Variants in ATG7 observed in about 807,000 individuals in gnomAD.
ATG7 encodes the protein autophagy related 7, also known as ubiquitin-like modifier-activating enzyme ATG7.
In ATG7, 70 loss-of-function variants were observed where a neutral mutation model predicts 82.4. The ratio of observed to expected loss-of-function variants is 0.85; its 90% confidence interval spans 0.70 to 1.04. The LOEUF (loss-of-function observed/expected upper bound fraction) is 1.04. Ranked by LOEUF, ATG7 falls within the 50% of genes least tolerant of loss-of-function variation. The pLI, the probability that ATG7 is intolerant of heterozygous loss-of-function variation, is 0.00. For missense variants in ATG7, 792 were observed against 864.3 expected, an observed-to-expected ratio of 0.92 and a Z score of 1.05; for synonymous variants, 287 against 313.0, an observed-to-expected ratio of 0.92 and a Z score of 0.88.
At chr3:11,518,057 T>G (rs1385835802) in intron 20 of ATG7, among the ~76,000 whole-genome samples, 1 of 152,066 alleles carries the variant, frequency 6.6e-6, no homozygotes, top group Non-Finnish European at 1.5e-5. Flanking sequence ...CTCTGGTGAT[T>G]GGTTGGATGG....
At chr3:11,469,270 A>G (rs536241244) in intron 20 of ATG7, among the ~76,000 whole-genome samples, 93 of 152,118 alleles carry the variant, frequency 6.1e-4, no homozygotes, top group African/African-American at 2.2e-3. Flanking sequence ...ACCAACATGG[A>G]GAAACCCCAT....
chr3:11,492,244 CCT>C (rs1447485422), intron 20 of ATG7, among the ~76,000 whole-genome samples: 2 of 152,190 alleles, frequency 1.3e-5, no homozygotes, highest in Admixed American at 1.3e-4. Flanking sequence ...GTCTGTCACC[CCT>C]TTCTTTGACT....
intron 20 of ATG7, among the ~76,000 whole-genome samples, chr3:11,456,341 A>G (rs968724386): frequency 2.6e-5 from 4 of 152,214 alleles, no homozygotes; most frequent in African/African-American, 9.7e-5. Flanking sequence ...GCCAAGTCAT[A>G]TTCCATTGTA....
intron 18 of ATG7, among the ~76,000 whole-genome samples, chr3:11,375,741 C>T (rs2077370315): frequency 6.6e-6 from 1 of 152,070 alleles, no homozygotes. Context: ...TATATTTTTA[C>T]TAGAGATGGG....
At chr3:11,478,989 A>AACACACACACACAC (rs71628717) in intron 20 of ATG7, among the ~76,000 whole-genome samples, 20 of 73,110 alleles carry the variant, frequency 2.7e-4, no homozygotes, top group Admixed American at 9.9e-4. Context: ...GTATATTTAC[A>AACACACACACACAC]ACACACACAC....
intron 20 of ATG7, among the ~76,000 whole-genome samples, chr3:11,544,221 C>T (rs922971457): frequency 1.2e-4 from 18 of 152,172 alleles, no homozygotes; most frequent in Admixed American, 7.2e-4. Flanking sequence ...GATGGGGCTC[C>T]GGGCAGGAAT....
the ATG7 span, among the ~76,000 whole-genome samples, chr3:11,570,436 C>T: frequency 6.6e-6 from 1 of 152,226 alleles, no homozygotes; most frequent in African/African-American, 2.4e-5. Flanking sequence ...GCTTCTGAAG[C>T]ACAGCTCCCA....
chr3:11,399,777 T>G (rs1325054426), intron 19 of ATG7, among the ~76,000 whole-genome samples: 1 of 152,200 alleles, frequency 6.6e-6, no homozygotes, highest in Non-Finnish European at 1.5e-5. Flanking sequence ...CTTCACCATG[T>G]TGGTCAGGCT....
chr3:11,520,231 T>G (rs1422784469), intron 20 of ATG7, among the ~76,000 whole-genome samples: 1 of 152,108 alleles, frequency 6.6e-6, no homozygotes, highest in African/African-American at 2.4e-5. Flanking sequence ...AGACCCCAGC[T>G]CATGCTCCAC....
At chr3:11,360,924 G>A (rs1051500202) in intron 16 of ATG7, 140 bp downstream of exon 16, 2 of 969,750 alleles carry the variant, frequency 2.1e-6, no homozygotes, top group Non-Finnish European at 3.0e-6. Context: ...TGGGGAGGAT[G>A]GCATTATCTC....
chr3:11,420,793 T>G (rs1047864513), intron 19 of ATG7, among the ~76,000 whole-genome samples: 1 of 150,748 alleles, frequency 6.6e-6, no homozygotes, highest in Non-Finnish European at 1.5e-5. Flanking sequence ...GTCTCACTTG[T>G]TGCCCAGGCT....
In ATG7 at chr3:11,315,577, C is replaced by G. The variant is rs562739440; in HGVS notation, c.678+84C>G. On this transcript the variant is annotated intron_variant, in intron 9 of 20. Coordinates refer to ENST00000693202, the MANE Select transcript of ATG7 (RefSeq NM_001349232.2). ...TGTTACAAGAGACCACTGCAAAATT[C>G]AAACTTGTTTAGATTTCCTTAGCCT... 9.6e-5 allele frequency: 119 copies of G among 1,238,330 alleles called. No individual in the cohort carries two copies. In the African/African-American group the frequency reaches 1.6e-3, roughly 16 times the overall value. 76.7% of individuals were successfully genotyped at this position (1,238,330 alleles called of 1,614,324 possible). A position where few individuals can be genotyped will look rare whatever the true frequency, so the allele number is the denominator to read the frequency against.
At chr3:11,344,191 G>T (rs796662759) in intron 13 of ATG7, among the ~76,000 whole-genome samples, 8 of 152,156 alleles carry the variant, frequency 5.3e-5, no homozygotes, top group South Asian at 2.1e-4. Context: ...AGAGTTTTTT[G>T]ATTCTTTTGT....
chr3:11,384,921 C>T (rs1465890189), intron 19 of ATG7, among the ~76,000 whole-genome samples: 1 of 152,138 alleles, frequency 6.6e-6, no homozygotes, highest in South Asian at 2.1e-4. Flanking sequence ...ATAGCCTGGG[C>T]GACAGAGCAA....
chr3:11,317,904 C>A (rs1949677330), intron 9 of ATG7, among the ~76,000 whole-genome samples: 1 of 152,184 alleles, frequency 6.6e-6, no homozygotes, highest in Admixed American at 6.5e-5. Flanking sequence ...AGCCTATGGC[C>A]TTTCTACCAT....
chr3:11,455,780 C>T (rs1331190061), intron 20 of ATG7, among the ~76,000 whole-genome samples: 1 of 152,184 alleles, frequency 6.6e-6, no homozygotes, highest in Non-Finnish European at 1.5e-5. Flanking sequence ...GATTTACTCA[C>T]TGTCCCAGAG....
At chr3:11,300,364 G>T (rs1575268379) in intron 5 of ATG7, among the ~76,000 whole-genome samples, 1 of 152,006 alleles carries the variant, frequency 6.6e-6, no homozygotes, top group Admixed American at 6.6e-5. Context: ...GCTTGCCCAG[G>T]GTCACACCTG....
At chr3:11,420,193 A>C (rs1331626629) in intron 19 of ATG7, among the ~76,000 whole-genome samples, 1 of 152,236 alleles carries the variant, frequency 6.6e-6, no homozygotes, top group Non-Finnish European at 1.5e-5. Flanking sequence ...TATAACACAG[A>C]TTAACTTCAC....
chr3:11,373,358 T>C (rs1047716657), intron 18 of ATG7, among the ~76,000 whole-genome samples: 1 of 152,228 alleles, frequency 6.6e-6, no homozygotes, highest in African/African-American at 2.4e-5. Flanking sequence ...TGCTAAGTGC[T>C]TCCATCCGTT....
Sources: gnomAD v4.1 joint callset for allele counts (sites outside exome capture counted in the v4.1 genomes callset) on GRCh38, gnomAD v4.1.1 for gene constraint, MANE v1.5 for transcripts, NCBI Gene and HGNC (gene_info 2026-07-23, HGNC 2026-07-21) for gene names.